PAK3: variants seen among roughly 807,000 people sequenced by gnomAD.
PAK3 encodes the protein serine/threonine-protein kinase PAK 3.
A neutral mutation model predicts 41.0 loss-of-function variants in PAK3; 4 were observed. The observed-to-expected ratio is 0.10, with a 90% CI of 0.05 to 0.22. The LOEUF (loss-of-function observed/expected upper bound fraction) is 0.22, where lower values mean the gene tolerates loss of function less well. PAK3 is among the 10% of genes least tolerant of loss of function. The pLI, the probability that PAK3 is intolerant of heterozygous loss-of-function variation, is 1.00. For missense variants in PAK3, 205 were observed against 409.9 expected (o/e 0.50, Z 4.32); for synonymous variants, 146 against 139.6 (o/e 1.05, Z -0.32).
At chrX:111,086,706 G>T (rs889751772) in intron 1 of PAK3, among the ~76,000 whole-genome samples, 3 of 111,632 alleles carry the variant, frequency 2.7e-5, no homozygotes, top group Non-Finnish European at 5.6e-5. Context: ...GCAGGGGTTT[G>T]TGGGGGATGG....
intron 1 of PAK3, among the ~76,000 whole-genome samples, chrX:110,945,900 G>A (rs1005005241): frequency 8.9e-6 from 1 of 111,878 alleles, no homozygotes; most frequent in Non-Finnish European, 1.9e-5. Flanking sequence ...TACAGTTAAA[G>A]GTAGTGATTA....
intron 7 of PAK3, among the ~76,000 whole-genome samples, chrX:111,148,581 A>G (rs1269304714): frequency 3.6e-5 from 4 of 111,622 alleles, no homozygotes; most frequent in Non-Finnish European, 7.5e-5. Flanking sequence ...GTGAGACCTC[A>G]GAATCATGGT....
chrX:111,197,150 C>T (rs2094625207), intron 16 of PAK3, among the ~76,000 whole-genome samples: 1 of 111,289 alleles, frequency 9.0e-6, no homozygotes, highest in Non-Finnish European at 1.9e-5. Context: ...CAATGTTTAG[C>T]TCCCACTTAC....
chrX:111,085,362 A>G (rs773862580), intron 1 of PAK3, among the ~76,000 whole-genome samples: 2 of 112,365 alleles, frequency 1.8e-5, no homozygotes, highest in African/African-American at 3.2e-5. Flanking sequence ...GGCAGCAAAG[A>G]AAGATGCTCT....
At chrX:111,001,571 T>A (rs377119072) in intron 1 of PAK3, among the ~76,000 whole-genome samples, 71 of 112,324 alleles carry the variant, frequency 6.3e-4, no homozygotes, top group African/African-American at 2.3e-3. Flanking sequence ...GTGGAAATGA[T>A]GAAAAATCCA....
At chrX:111,173,525 C>A (rs768008731) in intron 11 of PAK3, among the ~76,000 whole-genome samples, 1 of 110,891 alleles carries the variant, frequency 9.0e-6, no homozygotes. Context: ...ATGGAATGAT[C>A]CGGAGGTAGG....
At chrX:111,146,628 A>G (rs2093947492) in intron 6 of PAK3, 1 of 644,084 alleles carries the variant, frequency 1.6e-6, no homozygotes, top group Non-Finnish European at 2.4e-6. Context: ...ATAGCACTGC[A>G]GCAGCAGGTT....
At chrX:110,959,649 T>G (rs1239816247) in intron 1 of PAK3, among the ~76,000 whole-genome samples, 1 of 111,399 alleles carries the variant, frequency 9.0e-6, no homozygotes, top group Non-Finnish European at 1.9e-5. Flanking sequence ...ACTAGTGTGC[T>G]GTCAGGTTTT....
At chrX:111,179,818 G>C (rs191519587) in intron 11 of PAK3, among the ~76,000 whole-genome samples, 337 of 111,957 alleles carry the variant, frequency 3.0e-3, no homozygotes, top group African/African-American at 0.01. Flanking sequence ...TTCATTAGCT[G>C]TCATTTAACT....
chrX:111,186,690 G>A (rs1021216643), intron 11 of PAK3, among the ~76,000 whole-genome samples: 41 of 111,535 alleles, frequency 3.7e-4, no homozygotes, highest in African/African-American at 1.2e-3. Flanking sequence ...AATCAATATC[G>A]TGAAAATGCC....
At chrX:110,989,309 T>C (rs746909323) in intron 1 of PAK3, among the ~76,000 whole-genome samples, 20 of 112,322 alleles carry the variant, frequency 1.8e-4, no homozygotes, top group Admixed American at 6.6e-4. Context: ...ATGGTACTTA[T>C]CATACAACTT....
At chrX:111,053,153 A>G (rs984146447) in intron 1 of PAK3, among the ~76,000 whole-genome samples, 1 of 111,369 alleles carries the variant, frequency 9.0e-6, no homozygotes, top group African/African-American at 3.3e-5. Flanking sequence ...CCAGGAGGGA[A>G]CTGAGGTTAT....
At chrX:111,053,093 G>T (rs1016967645) in intron 1 of PAK3, among the ~76,000 whole-genome samples, 1 of 111,958 alleles carries the variant, frequency 8.9e-6, no homozygotes, top group African/African-American at 3.2e-5. Flanking sequence ...TACCTCCTGT[G>T]TAACTGAGGT....
At chrX:111,006,113 T>A (rs2091918941) in intron 1 of PAK3, among the ~76,000 whole-genome samples, 1 of 111,799 alleles carries the variant, frequency 8.9e-6, no homozygotes, top group African/African-American at 3.3e-5. Flanking sequence ...CAGAGTCCCC[T>A]CCCTCAGAGA....
intron 16 of PAK3, among the ~76,000 whole-genome samples, chrX:111,215,398 A>T (rs146524314): frequency 0.06 from 6,663 of 110,695 alleles, 304 homozygotes; most frequent in African/African-American, 0.15. Context: ...ATCTCTACTA[A>T]CATGGTGACG....
intron 1 of PAK3, among the ~76,000 whole-genome samples, chrX:111,034,689 G>A (rs1457962218): frequency 9.0e-6 from 1 of 111,540 alleles, no homozygotes; most frequent in Admixed American, 9.5e-5. Flanking sequence ...GACTTGTAGT[G>A]TAGGGGAATG....
intron 1 of PAK3, among the ~76,000 whole-genome samples, chrX:110,997,085 T>C (rs756055611): frequency 2.3e-3 from 254 of 111,511 alleles, no homozygotes; most frequent in Non-Finnish European, 3.8e-3. Context: ...TGTGCAAAGG[T>C]CCTAAGACTG....
intron 1 of PAK3, among the ~76,000 whole-genome samples, chrX:110,997,971 C>T (rs937376527): frequency 1.8e-5 from 2 of 111,601 alleles, no homozygotes; most frequent in Non-Finnish European, 1.9e-5. Context: ...GACGTTCTAG[C>T]CTCTGAAACT....
intron 6 of PAK3, chrX:111,145,015 C>A: frequency 1.9e-6 from 1 of 514,619 alleles, no homozygotes. Context: ...ACTGGACAAC[C>A]CCCAGCTTAA....
Sources: allele counts gnomAD v4.1 joint callset (sites outside exome capture counted in the v4.1 genomes callset), GRCh38; gene constraint gnomAD v4.1.1; transcripts MANE v1.5; gene names NCBI Gene and HGNC (gene_info 2026-07-23, HGNC 2026-07-21).